AMD1: variants seen among roughly 807,000 people sequenced by gnomAD.
The protein encoded by AMD1 is adenosylmethionine decarboxylase 1.
A neutral mutation model predicts 40.2 loss-of-function variants in AMD1; 11 were observed. The ratio of observed to expected loss-of-function variants is 0.27; its 90% CI spans 0.17 to 0.45. AMD1 has a LOEUF of 0.45. AMD1 is among the 20% of genes least tolerant of loss of function. The pLI, the probability that AMD1 is intolerant of heterozygous loss-of-function variation, is 1.00. For synonymous variants in AMD1, 121 were observed against 130.8 expected, an observed-to-expected ratio of 0.93 and a Z score of 0.51; for missense variants, 257 against 410.2, an observed-to-expected ratio of 0.63 and a Z score of 3.23.
chr6:110,871,364 G>C (rs1336154753), upstream of AMD1, among the ~76,000 whole-genome samples: 1 of 152,220 alleles, frequency 6.6e-6, no homozygotes, highest in Admixed American at 6.5e-5. Flanking sequence ...ACTATAGTTA[G>C]AAAGCTACTG....
At chr6:110,884,409 A>C (rs549595977) in intron 1 of AMD1, among the ~76,000 whole-genome samples, 53 of 152,352 alleles carry the variant, frequency 3.5e-4, no homozygotes, top group African/African-American at 1.2e-3. Flanking sequence ...CCAAGACTTT[A>C]AAGTATCTGT....
chr6:110,860,279 G>A, the AMD1 span, among the ~76,000 whole-genome samples: 1 of 151,974 alleles, frequency 6.6e-6, no homozygotes, highest in Non-Finnish European at 1.5e-5. Flanking sequence ...TGTGAAATAC[G>A]ACTGTGGACC....
chr6:110,850,918 T>C, the AMD1 span, among the ~76,000 whole-genome samples: 9 of 152,190 alleles, frequency 5.9e-5, no homozygotes, highest in Non-Finnish European at 1.2e-4. Context: ...ACAGAGGTAA[T>C]ATATGATCAT....
At chr6:110,876,062 G>T (rs117644961) in intron 1 of AMD1, among the ~76,000 whole-genome samples, 3 of 152,230 alleles carry the variant, frequency 2.0e-5, no homozygotes, top group Non-Finnish European at 1.5e-5. Flanking sequence ...AGGACATAAT[G>T]CCTCTAATGC....
In AMD1 at chr6:110,875,206, C is replaced by T; in HGVS notation, c.101C>T (p.Thr34Ile). ...AACCAAGGATCTGGGGATCTTCGCA[C>T]TATCCCAAGGTGGGTCCCCGGGGCG... ...DANQGSGDLR[T>I]IPRSEWDILL... Residue 34 changes from threonine (T) to isoleucine (I), a missense_variant, in exon 1 of 9, where the codon ACT (threonine) becomes ATT (isoleucine). Transcript: ENST00000368885. 1 of 1,609,282 alleles carries T rather than the reference C, an allele frequency of 6.2e-7. No individual in the cohort carries two copies. Among genetic ancestry groups the T allele is most frequent in the South Asian group, 1.1e-5 (1 of 90,344 alleles).
At chr6:110,860,825 A>ACACC in the AMD1 span, among the ~76,000 whole-genome samples, 314 of 127,688 alleles carry the variant, frequency 2.5e-3, no homozygotes, top group Middle Eastern at 7.9e-3. Flanking sequence ...ACAAAACAAA[A>ACACC]CACCCACCCA....
rs1248798213 is a variant in AMD1, at chr6:110,894,881, CTGCCCAGAATGAGAATT to C, written c.*1268_*1284del. Reference sequence around the variant, plus strand: ...GGCATTCATAGGATGAAATGAATGACTGCCCAGAATGAGAATTTGTCCAGATTATTCAGATAAACATC... The same window carrying C: ...GGCATTCATAGGATGAAATGAATGACTGTCCAGATTATTCAGATAAACATC... On this transcript the variant is annotated 3_prime_UTR_variant, in exon 9 of 9. Coordinates refer to ENST00000368885, the MANE Select transcript of AMD1 (RefSeq NM_001634.6). 5 of 152,222 alleles carry C rather than the reference CTGCCCAGAATGAGAATT, an allele frequency of 3.3e-5. No homozygotes were observed. In the East Asian group the frequency reaches 9.6e-4, roughly 29 times the overall value. The allele number at this position is 152,222 out of a possible 1,614,324, so 9.4% of individuals were successfully genotyped here. A position where few individuals can be genotyped will look rare whatever the true frequency, so the allele number is the denominator to read the frequency against.
At chr6:110,824,848 C>T in the AMD1 span, among the ~76,000 whole-genome samples, 5 of 152,026 alleles carry the variant, frequency 3.3e-5, no homozygotes, top group African/African-American at 7.2e-5. Context: ...CCTAGGCATA[C>T]GTTAGCTAAT....
chr6:110,842,050 G>A, the AMD1 span, among the ~76,000 whole-genome samples: 16 of 152,138 alleles, frequency 1.1e-4, no homozygotes, highest in South Asian at 1.5e-3. Context: ...TGATCCTCCC[G>A]CCTCAGCCTC....
chr6:110,875,532 G>T (rs1383520487), intron 1 of AMD1: 2 of 244,800 alleles, frequency 8.2e-6, no homozygotes, highest in Non-Finnish European at 1.6e-5. Context: ...TGGTTTTGCG[G>T]CCCGCGCCTC....
the AMD1 span, among the ~76,000 whole-genome samples, chr6:110,855,065 C>CTTTTTCTTTT: frequency 1.2e-5 from 1 of 80,446 alleles, no homozygotes; most frequent in Non-Finnish European, 2.3e-5. Context: ...CTCTCTCTCT[C>CTTTTTCTTTT]TTTTTTTTTT....
Position 110,875,172 on chromosome 6 carries a change from C to G in AMD1, c.67C>G (p.Pro23Ala), listed in dbSNP as rs1371443779. 3.7e-6 allele frequency: 6 copies of G among 1,613,052 alleles called. No individual in the cohort carries two copies. The highest frequency in any genetic ancestry group is 1.3e-5 in the African/African-American group (1 of 74,906). ...LLEVWFSRQQPDANQGSGDLR... is the reference protein window; with the variant it reads ...LLEVWFSRQQADANQGSGDLR... ...GGAGGTTTGGTTCTCCCGGCAGCAG[C>G]CCGACGCAAACCAAGGATCTGGGGA... The change falls in exon 1 of 9, where the codon CCC becomes GCC. Residue 23 changes from proline (P) to alanine (A), a missense_variant. Physicochemically the swap from Pro to Ala is conservative, Grantham distance 27. Around this residue, in one of 3 missense-constraint regions of AMD1, gnomAD observed 57 missense variants for 76.8 expected, o/e 0.74. Transcript: ENST00000368885.
chr6:110,817,794 G>A, the AMD1 span, among the ~76,000 whole-genome samples: 7 of 152,140 alleles, frequency 4.6e-5, no homozygotes, highest in African/African-American at 1.2e-4. Context: ...TAGAATAGGC[G>A]GGGTTCTAAG....
chr6:110,827,869 A>T, the AMD1 span, among the ~76,000 whole-genome samples: 1 of 152,236 alleles, frequency 6.6e-6, no homozygotes, highest in East Asian at 1.9e-4. Flanking sequence ...CATGTTAGAC[A>T]AATTTCATTC....
intron 6 of AMD1, 118 bp from the exon 7 acceptor site, chr6:110,892,617 G>A: frequency 7.2e-7 from 1 of 1,393,960 alleles, no homozygotes; most frequent in East Asian, 2.3e-5. Flanking sequence ...GTTAAGCCTA[G>A]TACCCATTAG....
the AMD1 span, among the ~76,000 whole-genome samples, chr6:110,819,281 T>G: frequency 6.6e-6 from 1 of 152,092 alleles, no homozygotes; most frequent in South Asian, 2.1e-4. Context: ...CACTTGAACC[T>G]GGGAGGCAGA....
At chr6:110,890,526 C>T (rs1409065197) in intron 4 of AMD1, among the ~76,000 whole-genome samples, 170 bp downstream of exon 4, 1 of 152,186 alleles carries the variant, frequency 6.6e-6, no homozygotes, top group African/African-American at 2.4e-5. Context: ...CTCATTCTGT[C>T]ACCCATGCTG....
intron 1 of AMD1, among the ~76,000 whole-genome samples, chr6:110,886,727 T>G (rs1379357712): frequency 6.6e-6 from 1 of 152,204 alleles, no homozygotes; most frequent in African/African-American, 2.4e-5. Context: ...GAGCTGTGAT[T>G]GCACCACTGC....
upstream of AMD1, among the ~76,000 whole-genome samples, chr6:110,870,231 C>T (rs1388399238): frequency 1.3e-5 from 2 of 152,214 alleles, no homozygotes; most frequent in Non-Finnish European, 2.9e-5. Flanking sequence ...TTTCAAACCA[C>T]CACTGTGATG....
Sources: gnomAD v4.1 joint callset for allele counts (sites outside exome capture counted in the v4.1 genomes callset) on GRCh38, gnomAD v4.1.1 for gene constraint, gnomAD v4.1.1 regional missense constraint, MANE v1.5 for transcripts, NCBI Gene and HGNC (gene_info 2026-07-23, HGNC 2026-07-21) for gene names.